The following ANKMY2 variants were observed in gnomAD, a reference collection of about 807,000 sequenced individuals.
ANKMY2 encodes the protein ankyrin repeat and MYND domain-containing protein 2.
In ANKMY2, 36 loss-of-function variants were observed where a neutral mutation model predicts 50.4. The observed-to-expected ratio is 0.71, with a 90% CI of 0.55 to 0.94. ANKMY2 has a LOEUF of 0.94. ANKMY2 is among the 40% of genes least tolerant of loss of function. ANKMY2 has a pLI of 0.00. For synonymous variants in ANKMY2, 187 were observed against 178.8 expected (o/e 1.05, Z -0.36); for missense variants, 565 against 524.0 (o/e 1.08, Z -0.76).
chr7:16,645,655 C>A lies in ANKMY2; in HGVS notation c.-82G>T. The A allele has an allele frequency of 1.4e-6, 2 of 1,455,802 alleles. No individual in the cohort carries two copies. The highest frequency in any genetic ancestry group is 1.9e-6 in the Non-Finnish European group (2 of 1,073,696). 90.2% of individuals were successfully genotyped at this position (1,455,802 alleles called of 1,614,324 possible). A position where few individuals can be genotyped will look rare whatever the true frequency, so the allele number is the denominator to read the frequency against. Reference sequence around the variant, plus strand: ...ATGCGTCTGTATTGGGAACGCCAGCCGCAATGAGGCAACTTGAGACCAAGA... The same window carrying A: ...ATGCGTCTGTATTGGGAACGCCAGCAGCAATGAGGCAACTTGAGACCAAGA... On this transcript the variant is annotated 5_prime_UTR_variant, in exon 1 of 10. Coordinates refer to ENST00000306999, the MANE Select transcript of ANKMY2 (RefSeq NM_020319.3).
intron 8 of ANKMY2, 81 bp from the exon 9 acceptor site, chr7:16,602,590 G>C (rs1159590045): frequency 3.4e-6 from 5 of 1,484,248 alleles, no homozygotes; most frequent in Non-Finnish European, 4.5e-6. Flanking sequence ...CAAGAACTAA[G>C]CTATAAAAAT....
intron 2 of ANKMY2, among the ~76,000 whole-genome samples, chr7:16,630,778 T>A (rs1368793592): frequency 6.6e-6 from 1 of 152,118 alleles, no homozygotes. Flanking sequence ...GAGAAGACTA[T>A]TATTTTAAAG....
chr7:16,610,265 T>C (rs551111863), intron 6 of ANKMY2, among the ~76,000 whole-genome samples: 69 of 152,168 alleles, frequency 4.5e-4, no homozygotes, highest in Non-Finnish European at 6.0e-4. Flanking sequence ...TGGGCCACTT[T>C]CTCGCGGTGT....
chr7:16,622,770 AAATAAATAAATAAAT>A (rs761931558), intron 4 of ANKMY2, among the ~76,000 whole-genome samples: 4 of 104,346 alleles, frequency 3.8e-5, no homozygotes, highest in Admixed American at 2.0e-4. Context: ...ATAAATAAAT[AAATAAATAAATAAAT>A]AAAAATAAAA....
intron 5 of ANKMY2, among the ~76,000 whole-genome samples, chr7:16,613,669 G>T (rs776139895): frequency 6.6e-6 from 1 of 152,054 alleles, no homozygotes; most frequent in Non-Finnish European, 1.5e-5. Context: ...TGAAGGTAGA[G>T]TATTAATAAT....
At chr7:16,615,558 C>G (rs905359639) in intron 5 of ANKMY2, among the ~76,000 whole-genome samples, 186 bp downstream of exon 5, 2 of 152,188 alleles carry the variant, frequency 1.3e-5, no homozygotes, top group Non-Finnish European at 2.9e-5. Flanking sequence ...GTTTCTCTCT[C>G]GCTCACTCAC....
intron 1 of ANKMY2, among the ~76,000 whole-genome samples, chr7:16,643,914 C>A (rs1781778903): frequency 6.7e-6 from 1 of 149,166 alleles, no homozygotes; most frequent in Non-Finnish European, 1.5e-5. Flanking sequence ...GTGGCTCGCA[C>A]CTGTAGTCCC....
Position 16,625,057 on chromosome 7 carries a change from A to G in ANKMY2, c.296T>C (p.Met99Thr). Reference protein sequence around the residue: ...LSGNKDITWVMLEAGAETDVV... With the variant: ...LSGNKDITWVTLEAGAETDVV... Reference sequence around the variant, plus strand: ...ATCTGTCTCAGCACCAGCTTCTAACATTACCCATGTGATGTCTTTATTACC... The same window carrying G: ...ATCTGTCTCAGCACCAGCTTCTAACGTTACCCATGTGATGTCTTTATTACC... Residue 99 changes from methionine to threonine, a missense_variant, in exon 4 of 10, where the codon ATG becomes ACG. Physicochemically the swap from Met to Thr is moderately conservative, Grantham distance 81. Coordinates refer to ENST00000306999, the MANE Select transcript of ANKMY2 (RefSeq NM_020319.3). The G allele has an allele frequency of 1.2e-6, 2 of 1,614,040 alleles. No homozygotes were observed. Among genetic ancestry groups the G allele is most frequent in the Non-Finnish European group, 1.7e-6 (2 of 1,179,924 alleles).
chr7:16,622,785 T>TAAATA (rs1554402032), intron 4 of ANKMY2, among the ~76,000 whole-genome samples: 8 of 94,506 alleles, frequency 8.5e-5, no homozygotes, highest in African/African-American at 2.7e-4. Flanking sequence ...AATAAATAAA[T>TAAATA]AAAAATAAAA....
chr7:16,632,911 C>G (rs766604198), intron 2 of ANKMY2, among the ~76,000 whole-genome samples: 1 of 152,184 alleles, frequency 6.6e-6, no homozygotes, highest in African/African-American at 2.4e-5. Flanking sequence ...CTTGCTAATA[C>G]CTGCTATACC....
chr7:16,607,185 A>G (rs960788709), intron 7 of ANKMY2, among the ~76,000 whole-genome samples: 1 of 152,238 alleles, frequency 6.6e-6, no homozygotes, highest in Non-Finnish European at 1.5e-5. Context: ...TGTTTAAAGA[A>G]AAGTCTTTCT....
chr7:16,606,411 A>G (rs977377677), intron 7 of ANKMY2, among the ~76,000 whole-genome samples: 6 of 143,906 alleles, frequency 4.2e-5, no homozygotes, highest in Non-Finnish European at 7.5e-5. Flanking sequence ...CCTTGGTGAC[A>G]GTGCAAGACC....
At chr7:16,642,939 C>G (rs956912105) in intron 1 of ANKMY2, among the ~76,000 whole-genome samples, 14 of 152,046 alleles carry the variant, frequency 9.2e-5, no homozygotes, top group African/African-American at 3.1e-4. Flanking sequence ...ACCTATGGGC[C>G]CTGTGATACC....
Position 16,600,693 on chromosome 7 carries a change from T to C in ANKMY2, c.*68A>G. On this transcript the variant is annotated 3_prime_UTR_variant, in exon 10 of 10. Transcript: ENST00000306999. ...CGCAGGTATAACAAGGTGAGGACAATGCATTCCTAGGAGTTTTCCAGCTTC... is the reference window on the plus strand; with the variant it reads ...CGCAGGTATAACAAGGTGAGGACAACGCATTCCTAGGAGTTTTCCAGCTTC... 1.4e-6 allele frequency: 2 copies of C among 1,416,036 alleles called. No individual in the cohort carries two copies. The highest frequency in any genetic ancestry group is 1.5e-5 in the South Asian group (1 of 66,760). 87.7% of individuals were successfully genotyped at this position (1,416,036 alleles called of 1,614,324 possible). A position where few individuals can be genotyped will look rare whatever the true frequency, so the allele number is the denominator to read the frequency against.
chr7:16,634,130 A>G lies in ANKMY2; in HGVS notation c.132+2261T>C, dbSNP rs1013415313. On this transcript the variant is annotated intron_variant, in intron 2 of 9. Coordinates refer to ENST00000306999, the MANE Select transcript of ANKMY2 (RefSeq NM_020319.3). ...TTAGCACTAGACTGTGCTATATAAT[A>G]TAGTAGCCACTAGCCACATATGGCT... Among the ~76,000 whole-genome samples, 3 of 152,314 alleles carry G rather than the reference A, an allele frequency of 2.0e-5. No individual in the cohort carries two copies. In the East Asian group the frequency reaches 5.8e-4, roughly 29 times the overall value.
intron 4 of ANKMY2, among the ~76,000 whole-genome samples, chr7:16,620,427 G>C (rs1164840239): frequency 2.0e-5 from 3 of 152,222 alleles, no homozygotes; most frequent in African/African-American, 4.8e-5. Context: ...AGAAAGGAAA[G>C]ACCTGTGGCC....
intron 2 of ANKMY2, among the ~76,000 whole-genome samples, chr7:16,632,423 C>A (rs1257903616): frequency 6.6e-6 from 1 of 152,178 alleles, no homozygotes; most frequent in Non-Finnish European, 1.5e-5. Flanking sequence ...CTCCCTTACT[C>A]AGCCCCAGTC....
At chr7:16,630,846 A>G (rs11981854) in intron 2 of ANKMY2, among the ~76,000 whole-genome samples, 15,661 of 152,160 alleles carry the variant, frequency 0.1, 1,875 homozygotes, top group African/African-American at 0.29. Flanking sequence ...CCCTGAAAGG[A>G]GTTAGGGAGG....
rs1450660948 is a variant in ANKMY2 at position 16,609,723 on chromosome 7, T to C, written c.789A>G (p.Gln263=). ...TGATACTTTCTCTAATGATCTTTTCTTGATACACTGGAAAGCCATCAGAAG... is the reference window on the plus strand; with the variant it reads ...TGATACTTTCTCTAATGATCTTTTCCTGATACACTGGAAAGCCATCAGAAG... ...GRASDGFPVY[Q]EKIIRESIRK... The change falls in exon 7 of 10, where the codon CAA becomes CAG. Residue 263 remains glutamine (Q), a synonymous_variant. Transcript: ENST00000306999. The C allele has an allele frequency of 6.2e-7, 1 of 1,611,804 alleles. No individual in the cohort carries two copies. The highest frequency in any genetic ancestry group is 1.1e-5 in the South Asian group (1 of 90,470).
Sources: gnomAD v4.1 joint callset for allele counts (sites outside exome capture counted in the v4.1 genomes callset) on GRCh38, gnomAD v4.1.1 for gene constraint, MANE v1.5 for transcripts, NCBI Gene and HGNC (gene_info 2026-07-23, HGNC 2026-07-21) for gene names.